Variants in SGCZ observed in about 807,000 individuals in gnomAD.
The protein encoded by SGCZ is zeta-sarcoglycan.
Under a neutral mutation model 41.3 loss-of-function variants are expected in SGCZ, and 40 were observed. That is an observed-to-expected ratio of 0.97 (90% CI 0.75 to 1.26). SGCZ has a LOEUF of 1.26. SGCZ is among the 50% of genes most tolerant of loss of function. The pLI, the probability that SGCZ is intolerant of heterozygous loss-of-function variation, is 0.00. For synonymous variants in SGCZ, 206 were observed against 137.5 expected, an observed-to-expected ratio of 1.50 and a Z score of -3.49; for missense variants, 552 against 369.8, an observed-to-expected ratio of 1.49 and a Z score of -4.04.
At chr8:14,565,038 T>C (rs1804317714) in intron 1 of SGCZ, among the ~76,000 whole-genome samples, 1 of 152,064 alleles carries the variant, frequency 6.6e-6, no homozygotes, top group African/African-American at 2.4e-5. Context: ...CAACTGAATT[T>C]CAAGAATGAT....
intron 2 of SGCZ, among the ~76,000 whole-genome samples, chr8:14,524,584 ATTAT>A (rs1440602851): frequency 6.6e-6 from 1 of 152,182 alleles, no homozygotes; most frequent in Non-Finnish European, 1.5e-5. Context: ...TTTAAAAAAC[ATTAT>A]TTATAACAAT....
At chr8:14,289,769 A>G (rs1800776268) in intron 3 of SGCZ, among the ~76,000 whole-genome samples, 1 of 151,960 alleles carries the variant, frequency 6.6e-6, no homozygotes, top group Admixed American at 6.6e-5. Flanking sequence ...ATATAGAAGA[A>G]CTGTATTAGT....
In SGCZ at chr8:14,589,204, G is replaced by A. The variant is rs548040681; in HGVS notation, c.40-34278C>T. On this transcript the variant is annotated intron_variant, in intron 1 of 7. Coordinates refer to ENST00000382080, the MANE Select transcript of SGCZ (RefSeq NM_139167.4). The stretch of plus-strand genomic sequence containing the variant: ...TAAATATAATAAAAAAAACGAGCTG[G>A]GTGTGCTGGTGCATGCCTATAATCC... 2.6e-5 allele frequency among the ~76,000 whole-genome samples: 4 copies of A among 152,066 alleles called. No homozygotes were observed. The South Asian group carries it at 8.3e-4, about 32-fold the overall frequency.
At chr8:14,755,165 C>G (rs1446261457) in intron 1 of SGCZ, among the ~76,000 whole-genome samples, 1 of 151,776 alleles carries the variant, frequency 6.6e-6, no homozygotes, top group Non-Finnish European at 1.5e-5. Context: ...TAAGTCTTGA[C>G]CACTTTAAAA....
chr8:15,181,102 T>G lies in SGCZ; in HGVS notation c.39+56483A>C, dbSNP rs1800161850. Among the ~76,000 whole-genome samples the G allele has an allele frequency of 2.0e-5, 3 of 151,876 alleles. No homozygotes were observed. The South Asian group carries it at 6.2e-4, about 31-fold the overall frequency. On this transcript the variant is annotated intron_variant, in intron 1 of 7. Transcript: ENST00000382080. Reference sequence around the variant, plus strand: ...AAAAGCCATTAAAAGAAAAAAGAAATCCAAGAACTTTTAATGAGAAAAAAT... The same window carrying G: ...AAAAGCCATTAAAAGAAAAAAGAAAGCCAAGAACTTTTAATGAGAAAAAAT...
chr8:14,734,593 T>C (rs1015614628), intron 1 of SGCZ, among the ~76,000 whole-genome samples: 19 of 152,102 alleles, frequency 1.2e-4, no homozygotes, highest in African/African-American at 4.6e-4. Flanking sequence ...ATTGAAGGAA[T>C]ATTGAGGAAA....
intron 3 of SGCZ, among the ~76,000 whole-genome samples, chr8:14,285,277 A>G (rs1036470776): frequency 6.6e-6 from 1 of 152,138 alleles, no homozygotes; most frequent in African/African-American, 2.4e-5. Context: ...AACCTCCAAA[A>G]TTAAAAACAT....
intron 1 of SGCZ, among the ~76,000 whole-genome samples, chr8:14,694,004 A>G (rs1808882667): frequency 1.3e-5 from 2 of 152,184 alleles, no homozygotes; most frequent in Admixed American, 1.3e-4. Context: ...TTACAATTCT[A>G]TTTTGACTGT....
At chr8:14,137,796 C>T (rs1357743454) in intron 5 of SGCZ, among the ~76,000 whole-genome samples, 1 of 152,156 alleles carries the variant, frequency 6.6e-6, no homozygotes, top group Non-Finnish European at 1.5e-5. Context: ...TCTAGCAAGG[C>T]AGACCAACAT....
intron 3 of SGCZ, among the ~76,000 whole-genome samples, chr8:14,280,748 T>C (rs1800398895): frequency 6.6e-6 from 1 of 151,788 alleles, no homozygotes; most frequent in Non-Finnish European, 1.5e-5. Context: ...GTTATGTTCT[T>C]ATACTTTTGT....
intron 1 of SGCZ, among the ~76,000 whole-genome samples, chr8:14,694,700 C>A (rs1326217102): frequency 1.3e-5 from 2 of 152,118 alleles, no homozygotes; most frequent in African/African-American, 4.8e-5. Context: ...AAGAAATAAC[C>A]TTACTGTCAT....
rs1801519252 is a variant in SGCZ at position 14,086,240 on chromosome 8, G to A, written c.*4203C>T. Among the ~76,000 whole-genome samples the A allele has an allele frequency of 6.6e-6, 1 of 151,608 alleles. No individual in the cohort carries two copies. The highest frequency in any genetic ancestry group is 1.9e-4 in the East Asian group (1 of 5,132). ...GCTTTGAGGATTTTATAGAAAATTT[G>A]GCTATTAAATACTTTCAATGATTTT... On this transcript the variant is annotated 3_prime_UTR_variant, in exon 8 of 8. Coordinates refer to ENST00000382080, the MANE Select transcript of SGCZ (RefSeq NM_139167.4).
chr8:14,474,832 T>A (rs543824517), intron 2 of SGCZ, among the ~76,000 whole-genome samples: 93 of 152,304 alleles, frequency 6.1e-4, no homozygotes, highest in African/African-American at 2.1e-3. Context: ...GGATTTTTTT[T>A]AAAGTCACAG....
At position 15,236,646 on chromosome 8, in the gene SGCZ, G is replaced by C. The variant is rs994964077; in HGVS notation, c.39+939C>G. ...TTTTGTGGTTTGTTGGTTTTTTAAA[G>C]TTTTTATTTATTGTGTGTATATAAA... On this transcript the variant is annotated intron_variant, in intron 1 of 7. Coordinates refer to ENST00000382080, the MANE Select transcript of SGCZ (RefSeq NM_139167.4). Among the ~76,000 whole-genome samples, 5 of 151,708 alleles carry C rather than the reference G, an allele frequency of 3.3e-5. No individual in the cohort carries two copies. The South Asian group carries it at 6.2e-4, about 19-fold the overall frequency.
At chr8:14,379,922 G>C (rs1488184473) in intron 2 of SGCZ, among the ~76,000 whole-genome samples, 1 of 151,916 alleles carries the variant, frequency 6.6e-6, no homozygotes, top group African/African-American at 2.4e-5. Context: ...ACTAGAGATG[G>C]GGCTTCACCA....
chr8:14,222,127 A>G (rs1806216634), intron 4 of SGCZ, among the ~76,000 whole-genome samples: 1 of 152,048 alleles, frequency 6.6e-6, no homozygotes, highest in Non-Finnish European at 1.5e-5. Context: ...TTTAGTTGTT[A>G]TTTACATTAC....
At chr8:14,732,722 T>C (rs1199845080) in intron 1 of SGCZ, among the ~76,000 whole-genome samples, 1 of 152,110 alleles carries the variant, frequency 6.6e-6, no homozygotes, top group Non-Finnish European at 1.5e-5. Context: ...GCAACCAATA[T>C]GCACAAGACA....
intron 1 of SGCZ, among the ~76,000 whole-genome samples, chr8:14,657,060 G>C (rs1347194993): frequency 2.6e-5 from 4 of 151,872 alleles, no homozygotes; most frequent in Non-Finnish European, 4.4e-5. Flanking sequence ...GGAAACTATT[G>C]TGCGTCACTC....
intron 4 of SGCZ, among the ~76,000 whole-genome samples, chr8:14,221,022 T>A (rs1053768550): frequency 8.6e-5 from 12 of 139,154 alleles, no homozygotes; most frequent in South Asian, 2.3e-4. Context: ...AAAAAAAAAA[T>A]AGAATTTCAT....
Sources: allele counts gnomAD v4.1 joint callset (sites outside exome capture counted in the v4.1 genomes callset), GRCh38; gene constraint gnomAD v4.1.1; transcripts MANE v1.5; gene names NCBI Gene and HGNC (gene_info 2026-07-23, HGNC 2026-07-21).